The following GSG1 variants were observed in gnomAD, a reference collection of about 807,000 sequenced individuals.
GSG1 encodes the protein germ cell associated 1.
GSG1 carries 28 observed loss-of-function variants against 30.8 expected under a neutral mutation model. The ratio of observed to expected loss-of-function variants is 0.91; its 90% CI spans 0.67 to 1.25. The LOEUF (loss-of-function observed/expected upper bound fraction) is 1.25. GSG1 is among the 50% of genes most tolerant of loss of function. The probability of loss-of-function intolerance (pLI) is 0.00; values close to 1 mark genes in which losing one functional copy is unlikely to be tolerated. For synonymous variants in GSG1, 162 were observed against 178.0 expected (o/e 0.91, Z 0.71); for missense variants, 435 against 444.7 (o/e 0.98, Z 0.20).
rs1419366398 is a variant in GSG1, at chr12:13,083,591, A to G, written c.*1310T>C. 5 of 143,582 alleles carry G rather than the reference A, an allele frequency of 3.5e-5. No individual in the cohort carries two copies. The highest frequency in any genetic ancestry group is 7.1e-5 in the Admixed American group (1 of 14,110). 8.9% of individuals were successfully genotyped at this position (143,582 alleles called of 1,614,324 possible). On this transcript the variant is annotated 3_prime_UTR_variant, in exon 7 of 7. Transcript: ENST00000651961. Reference sequence around the variant, plus strand: ...TAGGGTACATGTGCACAACGTGCAGATTTGTTACATATGTATACATGTGCC... The same window carrying G: ...TAGGGTACATGTGCACAACGTGCAGGTTTGTTACATATGTATACATGTGCC...
At chr12:13,087,877 C>T in intron 5 of GSG1, 30 bp downstream of exon 5, 1 of 1,608,518 alleles carries the variant, frequency 6.2e-7, no homozygotes, top group Non-Finnish European at 8.5e-7. Context: ...CCAGGGCCAA[C>T]CACCCTCTCT....
chr12:13,098,164 A>C (rs966626182), intron 1 of GSG1, among the ~76,000 whole-genome samples: 5 of 148,926 alleles, frequency 3.4e-5, no homozygotes, highest in Non-Finnish European at 5.9e-5. Flanking sequence ...TTACGGTTGC[A>C]TTGGCGGTTG....
intron 1 of GSG1, among the ~76,000 whole-genome samples, chr12:13,098,262 G>A (rs371068658): frequency 2.2e-4 from 34 of 151,532 alleles, no homozygotes; most frequent in South Asian, 1.3e-3. Flanking sequence ...CCCACCAGTC[G>A]GCAAAATGTG....
At position 13,103,456 on chromosome 12, in the gene GSG1, T is replaced by G; in HGVS notation, c.48+9A>C. The G allele has an allele frequency of 6.2e-7, 1 of 1,609,226 alleles. No individual in the cohort carries two copies. The highest frequency in any genetic ancestry group is 8.5e-7 in the Non-Finnish European group (1 of 1,175,522). ...GATGTTCATGAGATTTCAAAATCAC[T>G]GTACCTACCTCCTGGGTGAGGCAAA... On this transcript the variant is annotated intron_variant, in intron 1 of 6. Coordinates refer to ENST00000651961, the MANE Select transcript of GSG1 (RefSeq NM_001080555.4).
chr12:13,100,463 A>C (rs1863116790), intron 1 of GSG1, among the ~76,000 whole-genome samples: 2 of 152,236 alleles, frequency 1.3e-5, no homozygotes, highest in South Asian at 2.1e-4. Context: ...AACAGTGATG[A>C]TCTCATGAAA....
chr12:13,089,438 G>C, intron 2 of GSG1, 162 bp from the exon 3 acceptor site: 1 of 1,158,938 alleles, frequency 8.6e-7, no homozygotes, highest in South Asian at 1.5e-5. Flanking sequence ...TCCCAGGCCG[G>C]TCACCTTTCA....
chr12:13,092,657 T>C (rs1476117760), intron 1 of GSG1, among the ~76,000 whole-genome samples: 1 of 152,218 alleles, frequency 6.6e-6, no homozygotes, highest in Non-Finnish European at 1.5e-5. Context: ...TTGTAATTTT[T>C]ATCTTTCCCA....
In GSG1 at chr12:13,093,346, T is replaced by A. The variant is rs1182193128; in HGVS notation, c.49-2528A>T. ...TGAAGCATTTGCTATTGTAACAAAG[T>A]GAGCTATTGGTGTCCTTTTCCCTGC... On this transcript the variant is annotated intron_variant, in intron 1 of 6. Transcript: ENST00000651961. The surrounding 1 kb of genome is among the most constrained non-coding windows in gnomAD (Gnocchi z 4.6). Among the ~76,000 whole-genome samples the A allele has an allele frequency of 6.6e-6, 1 of 152,188 alleles. No individual in the cohort carries two copies. The highest frequency in any genetic ancestry group is 2.4e-5 in the African/African-American group (1 of 41,436).
intron 1 of GSG1, among the ~76,000 whole-genome samples, chr12:13,094,506 G>A (rs1866472801): frequency 6.6e-6 from 1 of 152,258 alleles, no homozygotes; most frequent in Admixed American, 6.5e-5. Context: ...TCTGTTGGTA[G>A]ACACTGAAGT....
chr12:13,085,086 G>A lies in GSG1; in HGVS notation c.904C>T (p.Leu302=), dbSNP rs1394649016. 1.2e-6 allele frequency: 2 copies of A among 1,613,110 alleles called. No individual in the cohort carries two copies. Among genetic ancestry groups the A allele is most frequent in the South Asian group, 2.2e-5 (2 of 90,886 alleles). ...CCCACGGTGGGGGCTGCACTTGACA[G>A]CCGCCGAGGGAAACACTGATGGTGA... ...PHHHQCFPRR[L]SSAAPTVGPL... is the part of the protein sequence containing the mutation. Residue 302 remains leucine (L), a synonymous_variant, in exon 7 of 7, where the codon CTG becomes TTG. Transcript: ENST00000651961.
chr12:13,085,199 G>A lies in GSG1; in HGVS notation c.791C>T (p.Thr264Ile), dbSNP rs778925853. The change falls in exon 7 of 7, where the codon ACC becomes ATC. Residue 264 changes from threonine (T) to isoleucine (I), a missense_variant. Physicochemically the swap from Thr to Ile is moderately conservative, Grantham distance 89. Coordinates refer to ENST00000651961, the MANE Select transcript of GSG1 (RefSeq NM_001080555.4). ...CATCCTGGTGTACGTGTTGAAGGTG[G>A]TGACAGCCGACGCCATGCAGCAGGT... ...SFTCCMASAVTTFNTYTRMVL... is the reference protein window; with the variant it reads ...SFTCCMASAVITFNTYTRMVL... The A allele has an allele frequency of 6.8e-6, 11 of 1,613,048 alleles. No homozygotes were observed. In the South Asian group the frequency reaches 1.1e-4, roughly 16 times the overall value.
chr12:13,087,007 T>C, intron 6 of GSG1, 145 bp downstream of exon 6: 1 of 582,884 alleles, frequency 1.7e-6, no homozygotes, highest in South Asian at 2.2e-5. Context: ...TGTGCCCTGA[T>C]GATGCAGCCC....
chr12:13,086,562 T>G (rs7980939), intron 6 of GSG1, among the ~76,000 whole-genome samples: 78,964 of 152,010 alleles, frequency 0.52, 21,494 homozygotes, highest in African/African-American at 0.67. Flanking sequence ...TGTGTTGCTT[T>G]GTGATGGTTG....
rs1044022540 is a variant in GSG1 at position 13,089,393 on chromosome 12, G to A, written c.365-117C>T. Reference sequence around the variant, plus strand: ...CAGATATCAAATTGTTCATGATTCTGGGCATTAGAAGAACTTTAGTACCAG... The same window carrying A: ...CAGATATCAAATTGTTCATGATTCTAGGCATTAGAAGAACTTTAGTACCAG... On this transcript the variant is annotated intron_variant, in intron 2 of 6. Coordinates refer to ENST00000651961, the MANE Select transcript of GSG1 (RefSeq NM_001080555.4). 7 of 1,510,114 alleles carry A rather than the reference G, an allele frequency of 4.6e-6. No homozygotes were observed. The South Asian group carries it at 4.9e-5, about 11-fold the overall frequency. 93.5% of individuals were successfully genotyped at this position (1,510,114 alleles called of 1,614,324 possible). A position where few individuals can be genotyped will look rare whatever the true frequency, so the allele number is the denominator to read the frequency against.
At chr12:13,088,820 A>G (rs1208442800) in intron 4 of GSG1, 42 bp downstream of exon 4, 6 of 1,614,198 alleles carry the variant, frequency 3.7e-6, no homozygotes, top group African/African-American at 1.3e-5. Context: ...GTGGGGTGAC[A>G]TGGGCCTTGC....
intron 2 of GSG1, 67 bp downstream of exon 2, chr12:13,090,436 C>G: frequency 6.8e-7 from 1 of 1,469,022 alleles, no homozygotes; most frequent in Non-Finnish European, 9.3e-7. Flanking sequence ...TACCTGATTT[C>G]CATGCCTGCA....
chr12:13,088,603 T>G (rs1565528698), intron 4 of GSG1: 1 of 762,858 alleles, frequency 1.3e-6, no homozygotes, highest in Non-Finnish European at 2.1e-6. Flanking sequence ...TGCATATGAA[T>G]GAAAGTCAGC....
In GSG1 at chr12:13,087,905, A is replaced by G. The variant is rs1303696877; in HGVS notation, c.634+2T>C. 2 of 1,613,670 alleles carry G rather than the reference A, an allele frequency of 1.2e-6. No individual in the cohort carries two copies. The highest frequency in any genetic ancestry group is 1.7e-6 in the Non-Finnish European group (2 of 1,179,862). The stretch of plus-strand genomic sequence containing the variant: ...CCCTCTCTCACTCCAGGAGCAACTC[A>G]CCTGACAGGACAGAGGAAACAGCAG... On this transcript the variant is annotated splice_donor_variant, in intron 5 of 6. Transcript: ENST00000651961. LOFTEE classifies it high-confidence loss of function.
chr12:13,084,674 T>C lies in GSG1; in HGVS notation c.*227A>G. On this transcript the variant is annotated 3_prime_UTR_variant, in exon 7 of 7. Transcript: ENST00000651961. ...AGAAACTATCAGTAAAGAAGGGAAT[T>C]CTGGATGTGTGAGATGTGGGGTGGG... is the stretch of plus-strand genomic sequence containing the variant. 1 of 419,216 alleles carries C rather than the reference T, an allele frequency of 2.4e-6. No individual in the cohort carries two copies. The allele number at this position is 419,216 out of a possible 1,614,324, so 26.0% of individuals were successfully genotyped here.
Sources: gnomAD v4.1 joint callset for allele counts (sites outside exome capture counted in the v4.1 genomes callset) on GRCh38, gnomAD v4.1.1 for gene constraint, Gnocchi (gnomAD v3.1) non-coding constraint, MANE v1.5 for transcripts, NCBI Gene and HGNC (gene_info 2026-07-23, HGNC 2026-07-21) for gene names.